The following CTNNA3 variants were observed in gnomAD, a reference collection of about 807,000 sequenced individuals.
The protein encoded by CTNNA3 is catenin alpha-3.
CTNNA3 carries 76 observed loss-of-function variants against 95.7 expected under a neutral mutation model. That is an observed-to-expected ratio of 0.79 (90% CI 0.66 to 0.96). The LOEUF (loss-of-function observed/expected upper bound fraction) is 0.96. Among genes scored for constraint, CTNNA3 ranks in the 40% least tolerant of loss-of-function variants. CTNNA3 has a pLI of 0.00. For missense variants in CTNNA3, 1,191 were observed against 1,089.8 expected, an observed-to-expected ratio of 1.09 and a Z score of -1.31; for synonymous variants, 431 against 374.4, an observed-to-expected ratio of 1.15 and a Z score of -1.74.
intron 10 of CTNNA3, among the ~76,000 whole-genome samples, chr10:66,589,152 G>T (rs1388552194): frequency 6.6e-6 from 1 of 151,796 alleles, no homozygotes; most frequent in Non-Finnish European, 1.5e-5. Context: ...CCTGAAGTTG[G>T]TTTCCTTTAT....
intron 7 of CTNNA3, among the ~76,000 whole-genome samples, chr10:66,790,959 C>A (rs529744004): frequency 1.9e-4 from 29 of 152,232 alleles, no homozygotes; most frequent in Admixed American, 1.8e-3. Context: ...TCACTTTTAC[C>A]TTTACCATCG....
intron 5 of CTNNA3, among the ~76,000 whole-genome samples, chr10:67,409,234 G>T (rs746962428): frequency 7.9e-5 from 12 of 152,046 alleles, no homozygotes; most frequent in Non-Finnish European, 1.6e-4. Flanking sequence ...CCCATTACTG[G>T]TTATATACCC....
chr10:67,294,160 T>A (rs1839944738), intron 5 of CTNNA3, among the ~76,000 whole-genome samples: 1 of 152,166 alleles, frequency 6.6e-6, no homozygotes, highest in South Asian at 2.1e-4. Context: ...AACACCTCGC[T>A]TTTTGAGTGT....
Position 65,927,483 on chromosome 10 carries a change from C to T in CTNNA3, c.2401-6866G>A, listed in dbSNP as rs1015503415. Reference sequence around the variant, plus strand: ...CCTTCCCACCCCAGGTATCAGGCATCCACAGATCTGCTATAGAGCACCACA... The same window carrying T: ...CCTTCCCACCCCAGGTATCAGGCATTCACAGATCTGCTATAGAGCACCACA... On this transcript the variant is annotated intron_variant, in intron 17 of 17. Coordinates refer to ENST00000433211, the MANE Select transcript of CTNNA3 (RefSeq NM_013266.4). 5.9e-5 allele frequency among the ~76,000 whole-genome samples: 9 copies of T among 152,152 alleles called. No homozygotes were observed. In the East Asian group the frequency reaches 1.2e-3, roughly 20 times the overall value.
At chr10:66,406,914 G>A (rs866046299) in intron 11 of CTNNA3, among the ~76,000 whole-genome samples, 4 of 151,964 alleles carry the variant, frequency 2.6e-5, no homozygotes, top group South Asian at 2.1e-4. Flanking sequence ...AGATCATTTC[G>A]ATATGTTTTG....
At chr10:66,893,095 T>C (rs1845335478) in intron 7 of CTNNA3, among the ~76,000 whole-genome samples, 2 of 152,114 alleles carry the variant, frequency 1.3e-5, no homozygotes, top group African/African-American at 4.8e-5. Flanking sequence ...TTTATATTTA[T>C]AAATGATCTT....
intron 3 of CTNNA3, among the ~76,000 whole-genome samples, chr10:67,556,045 A>C (rs191700448): frequency 6.6e-6 from 1 of 152,082 alleles, no homozygotes; most frequent in Admixed American, 6.5e-5. Flanking sequence ...TGTTTATATG[A>C]TGGATTACAT....
intron 13 of CTNNA3, among the ~76,000 whole-genome samples, chr10:66,219,439 A>G (rs78360655): frequency 6.6e-6 from 1 of 152,156 alleles, no homozygotes; most frequent in African/African-American, 2.4e-5. Flanking sequence ...AAGTAATAGT[A>G]TAGTGTGTCA....
chr10:67,715,521 G>A (rs998476920), intron 1 of CTNNA3, among the ~76,000 whole-genome samples: 2 of 152,068 alleles, frequency 1.3e-5, no homozygotes, highest in Admixed American at 6.6e-5. Flanking sequence ...ATTAGGAACA[G>A]TTACAATGTC....
At chr10:67,640,319 G>A (rs529210926) in intron 2 of CTNNA3, among the ~76,000 whole-genome samples, 33 of 152,204 alleles carry the variant, frequency 2.2e-4, no homozygotes, top group Admixed American at 8.5e-4. Context: ...ATCTCTTCAA[G>A]GAGAACTACA....
chr10:67,108,640 G>A (rs529172807), intron 7 of CTNNA3, among the ~76,000 whole-genome samples: 7 of 152,102 alleles, frequency 4.6e-5, no homozygotes, highest in Non-Finnish European at 8.8e-5. Context: ...AATCAGAAAA[G>A]ACCTCACAGA....
At chr10:66,134,049 A>C (rs1249056300) in intron 13 of CTNNA3, among the ~76,000 whole-genome samples, 1 of 152,198 alleles carries the variant, frequency 6.6e-6, no homozygotes, top group African/African-American at 2.4e-5. Flanking sequence ...ACATTAATTG[A>C]ATGACAAAAA....
At chr10:67,012,377 T>C (rs1205521732) in intron 7 of CTNNA3, 1 of 152,174 alleles carries the variant, frequency 6.6e-6, no homozygotes, top group Non-Finnish European at 1.5e-5. Flanking sequence ...TAGTATCTTC[T>C]CCCCTTTTCC....
At chr10:66,375,800 A>G (rs1436611835) in intron 12 of CTNNA3, among the ~76,000 whole-genome samples, 1 of 152,200 alleles carries the variant, frequency 6.6e-6, no homozygotes, top group Middle Eastern at 3.2e-3. Context: ...TATTGGCTCA[A>G]AATTTCTTTC....
At chr10:66,864,044 T>G (rs1035367202) in intron 7 of CTNNA3, among the ~76,000 whole-genome samples, 26 of 152,268 alleles carry the variant, frequency 1.7e-4, no homozygotes, top group South Asian at 6.2e-4. Context: ...TGAGTCATAT[T>G]AAGGTTATTC....
chr10:66,709,234 T>C (rs574094783), intron 9 of CTNNA3, among the ~76,000 whole-genome samples: 115 of 152,194 alleles, frequency 7.6e-4, no homozygotes, highest in African/African-American at 2.5e-3. Flanking sequence ...TCTCCTTAGA[T>C]GGACCTAAAA....
intron 2 of CTNNA3, 45 bp from the exon 3 acceptor site, chr10:67,607,094 G>A: frequency 1.4e-6 from 2 of 1,429,446 alleles, no homozygotes; most frequent in Middle Eastern, 1.9e-4. Context: ...AAATTGTAAG[G>A]AGAACACAGT....
chr10:66,552,054 C>A (rs1274069627), intron 10 of CTNNA3, among the ~76,000 whole-genome samples: 1 of 151,922 alleles, frequency 6.6e-6, no homozygotes, highest in Non-Finnish European at 1.5e-5. Context: ...CAGGCGTGTG[C>A]CACCACGCCC....
At chr10:66,757,153 T>G (rs1839392864) in intron 9 of CTNNA3, among the ~76,000 whole-genome samples, 2 of 152,112 alleles carry the variant, frequency 1.3e-5, no homozygotes. Flanking sequence ...TACTCATTAT[T>G]TCAGCACAGC....
Sources: allele counts gnomAD v4.1 joint callset (sites outside exome capture counted in the v4.1 genomes callset), GRCh38; gene constraint gnomAD v4.1.1; transcripts MANE v1.5; gene names NCBI Gene and HGNC (gene_info 2026-07-23, HGNC 2026-07-21).